The following NASP variants were observed in gnomAD, a reference collection of about 807,000 sequenced individuals.
The protein encoded by NASP is nuclear autoantigenic sperm protein, also known as NASP histone chaperone.
In NASP, 24 loss-of-function variants were observed where a neutral mutation model predicts 89.5. The ratio of observed to expected loss-of-function variants is 0.27; its 90% CI spans 0.19 to 0.38. The LOEUF (loss-of-function observed/expected upper bound fraction) is 0.38, where lower values mean the gene tolerates loss of function less well. Among genes scored for constraint, NASP ranks in the 10% least tolerant of loss-of-function variants. The pLI, the probability that NASP is intolerant of heterozygous loss-of-function variation, is 1.00. For synonymous variants in NASP, 306 were observed against 324.7 expected (o/e 0.94, Z 0.62); for missense variants, 848 against 921.4 (o/e 0.92, Z 1.03).
intron 2 of NASP, among the ~76,000 whole-genome samples, chr1:45,593,535 CAAAAA>C (rs1197658183): frequency 2.4e-5 from 2 of 82,420 alleles, no homozygotes; most frequent in Non-Finnish European, 4.6e-5. Flanking sequence ...TGTCCCCCCC[CAAAAA>C]AAAAAAAAAA....
At chr1:45,606,412 A>AT in intron 4 of NASP, 70 bp from the exon 5 acceptor site, 2 of 1,083,988 alleles carry the variant, frequency 1.8e-6, no homozygotes, top group Middle Eastern at 2.1e-4. Flanking sequence ...ATAGGACTGT[A>AT]TTTTCTGTCT....
chr1:45,588,259 A>T (rs1008929855), intron 1 of NASP, among the ~76,000 whole-genome samples: 6 of 151,964 alleles, frequency 3.9e-5, no homozygotes, highest in African/African-American at 1.4e-4. Context: ...GCCCGCCACC[A>T]CACCTGGCTA....
At chr1:45,598,883 C>T (rs938057807) in intron 2 of NASP, among the ~76,000 whole-genome samples, 1 of 148,330 alleles carries the variant, frequency 6.7e-6, no homozygotes, top group Non-Finnish European at 1.5e-5. Flanking sequence ...AGGTGTAGAT[C>T]CTAGGATTTA....
Position 45,604,916 on chromosome 1 carries a change from G to A in NASP, c.219-20G>A. On this transcript the variant is annotated intron_variant, in intron 3 of 14. Coordinates refer to ENST00000350030, the MANE Select transcript of NASP (RefSeq NM_002482.4). ...AGATTAGATGGTAATTCAGATTTTA[G>A]ATGTTTATTCTCTTTGTAGAGGTAA... is the stretch of plus-strand genomic sequence containing the variant. 2 of 1,538,564 alleles carry A rather than the reference G, an allele frequency of 1.3e-6. No individual in the cohort carries two copies.
intron 2 of NASP, 95 bp from the exon 3 acceptor site, chr1:45,602,160 T>C (rs1643862631): frequency 6.8e-7 from 1 of 1,463,514 alleles, no homozygotes. Flanking sequence ...AGTCCAAAAG[T>C]TTTAAAAAAT....
At chr1:45,606,822 G>T in intron 5 of NASP, 1 of 406,876 alleles carries the variant, frequency 2.5e-6, no homozygotes, top group Non-Finnish European at 4.4e-6. Context: ...TTTCGATTGG[G>T]GTTTTTTAAA....
intron 2 of NASP, among the ~76,000 whole-genome samples, chr1:45,591,666 C>G (rs1429628220): frequency 6.6e-6 from 1 of 152,118 alleles, no homozygotes; most frequent in South Asian, 2.1e-4. Context: ...CCTCCTCCCC[C>G]TGTAACGTTT....
At chr1:45,604,606 A>G (rs1643887024) in intron 3 of NASP, among the ~76,000 whole-genome samples, 1 of 152,212 alleles carries the variant, frequency 6.6e-6, no homozygotes, top group African/African-American at 2.4e-5. Flanking sequence ...GGTCCCAGCC[A>G]AAGGTCCTTT....
At chr1:45,598,173 T>A (rs945478159) in intron 2 of NASP, among the ~76,000 whole-genome samples, 24 of 11,966 alleles carry the variant, frequency 2.0e-3, no homozygotes, top group African/African-American at 8.3e-3. Flanking sequence ...CTCCTGTTAC[T>A]TTTTTTTTTT....
chr1:45,610,436 C>T (rs1248060791), intron 6 of NASP: 1 of 152,202 alleles, frequency 6.6e-6, no homozygotes. Context: ...GAGTACTCAA[C>T]CACTTACTTT....
At position 45,601,624 on chromosome 1, in the gene NASP, C is replaced by G. The variant is rs1437486034; in HGVS notation, c.108-631C>G. Among the ~76,000 whole-genome samples, 8 of 151,518 alleles carry G rather than the reference C, an allele frequency of 5.3e-5. No homozygotes were observed. The South Asian group carries it at 8.3e-4, about 16-fold the overall frequency. On this transcript the variant is annotated intron_variant, in intron 2 of 14. Transcript: ENST00000350030. ...TTCTTAATTTTAATATTTCTTTTAG[C>G]TAGTGCAATTTGTATGAATTTATGG...
intron 7 of NASP, among the ~76,000 whole-genome samples, chr1:45,613,641 C>G (rs978861998): frequency 6.6e-6 from 1 of 152,184 alleles, no homozygotes; most frequent in Non-Finnish European, 1.5e-5. Flanking sequence ...GCCACCATGT[C>G]TGGCTAATTT....
At chr1:45,584,635 A>G (rs1267051810) in intron 1 of NASP, among the ~76,000 whole-genome samples, 2 of 151,566 alleles carry the variant, frequency 1.3e-5, no homozygotes, top group Admixed American at 6.6e-5. Context: ...GCCAAAAGGG[A>G]AAAAAAACCT....
chr1:45,594,174 C>G (rs144982754), intron 2 of NASP, among the ~76,000 whole-genome samples: 1 of 151,552 alleles, frequency 6.6e-6, no homozygotes, highest in Non-Finnish European at 1.5e-5. Flanking sequence ...AAAAAAGATA[C>G]AAAAATTAGC....
At chr1:45,590,022 C>G (rs146609915) in intron 1 of NASP, among the ~76,000 whole-genome samples, 1 of 152,288 alleles carries the variant, frequency 6.6e-6, no homozygotes, top group East Asian at 1.9e-4. Context: ...CAGTGTGTCA[C>G]CTGGGCAGTT....
chr1:45,595,527 C>CA (rs1321401091), intron 2 of NASP, among the ~76,000 whole-genome samples: 1 of 152,138 alleles, frequency 6.6e-6, no homozygotes, highest in African/African-American at 2.4e-5. Context: ...CAGCAGTTCT[C>CA]AAAGTTTTTT....
chr1:45,606,800 T>G lies in NASP; in HGVS notation c.409+209T>G, dbSNP rs1643915145. 6.9e-6 allele frequency: 3 copies of G among 437,946 alleles called. No individual in the cohort carries two copies. The East Asian group carries it at 1.1e-4, about 16-fold the overall frequency. The allele number at this position is 437,946 out of a possible 1,614,324, so 27.1% of individuals were successfully genotyped here. On this transcript the variant is annotated intron_variant, in intron 5 of 14. Coordinates refer to ENST00000350030, the MANE Select transcript of NASP (RefSeq NM_002482.4). ...AAAGAGAATAACTTATTTTCTCAAGTAAATCCAGTTATTTCGATTGGGGTT... is the reference window on the plus strand; with the variant it reads ...AAAGAGAATAACTTATTTTCTCAAGGAAATCCAGTTATTTCGATTGGGGTT...
chr1:45,604,663 C>T (rs1158454140), intron 3 of NASP, among the ~76,000 whole-genome samples: 1 of 152,136 alleles, frequency 6.6e-6, no homozygotes, highest in Non-Finnish European at 1.5e-5. Context: ...AGGAGGAATA[C>T]CTATTAATAC....
intron 1 of NASP, 110 bp from the exon 2 acceptor site, chr1:45,591,113 A>C: frequency 1.6e-6 from 1 of 619,938 alleles, no homozygotes. Flanking sequence ...TTGAGTATTT[A>C]ATAAATGACA....
Sources: allele counts gnomAD v4.1 joint callset (sites outside exome capture counted in the v4.1 genomes callset), GRCh38; gene constraint gnomAD v4.1.1; transcripts MANE v1.5; gene names NCBI Gene and HGNC (gene_info 2026-07-23, HGNC 2026-07-21).